Variants in DACH1 observed in about 807,000 individuals in gnomAD.
DACH1 encodes the protein dachshund family transcription factor 1.
A neutral mutation model predicts 54.2 loss-of-function variants in DACH1; 12 were observed. The observed-to-expected ratio is 0.22, with a 90% confidence interval of 0.14 to 0.36. The LOEUF (loss-of-function observed/expected upper bound fraction) is 0.36, where lower values mean the gene tolerates loss of function less well. DACH1 is among the 10% of genes least tolerant of loss of function. The pLI, the probability that DACH1 is intolerant of heterozygous loss-of-function variation, is 1.00. For synonymous variants in DACH1, 386 were observed against 366.2 expected (o/e 1.05, Z -0.62); for missense variants, 805 against 929.8 (o/e 0.87, Z 1.75).
intron 1 of DACH1, among the ~76,000 whole-genome samples, chr13:71,753,474 T>C (rs1233379356): frequency 6.6e-6 from 1 of 152,206 alleles, no homozygotes; most frequent in Non-Finnish European, 1.5e-5. Context: ...GAAGATGTAA[T>C]CACTTAAAGA....
At chr13:71,506,323 T>G (rs1880321617) in intron 6 of DACH1, among the ~76,000 whole-genome samples, 1 of 131,292 alleles carries the variant, frequency 7.6e-6, no homozygotes, top group Non-Finnish European at 1.6e-5. Context: ...AGTGTGATAT[T>G]CCCCTTCCTG....
rs1294203908 is a variant in DACH1, at chr13:71,735,531, CGTATATGGGATATACGT to C, written c.849-53638_849-53622del. On this transcript the variant is annotated intron_variant, in intron 1 of 10. Coordinates refer to ENST00000613252, the MANE Select transcript of DACH1 (RefSeq NM_080759.6). ...GATATACGTGTATATGGGATATACA[CGTATATGGGATATACGT>C]GTATATGGGATATACGTGTATATGG... is the stretch of plus-strand genomic sequence containing the variant. Among the ~76,000 whole-genome samples, 48 of 47,804 alleles carry C rather than the reference CGTATATGGGATATACGT, an allele frequency of 1.0e-3. 1 individual carries two copies. Among genetic ancestry groups the C allele is most frequent in the South Asian group, 3.7e-3 (7 of 1,912 alleles). 31.4% of individuals were successfully genotyped at this position (47,804 alleles called of 152,430 possible). A position where few individuals can be genotyped will look rare whatever the true frequency, so the allele number is the denominator to read the frequency against.
chr13:71,814,623 G>T (rs1237631311), intron 1 of DACH1, among the ~76,000 whole-genome samples: 1 of 152,136 alleles, frequency 6.6e-6, no homozygotes, highest in African/African-American at 2.4e-5. Flanking sequence ...ATATGATGAA[G>T]TATCCAGTTA....
intron 3 of DACH1, among the ~76,000 whole-genome samples, chr13:71,619,114 G>GTATA (rs974548009): frequency 2.7e-5 from 4 of 149,956 alleles, no homozygotes; most frequent in Admixed American, 6.7e-5. Flanking sequence ...ATATATGTGT[G>GTATA]TATATATATA....
At chr13:71,753,687 T>C (rs1885019068) in intron 1 of DACH1, among the ~76,000 whole-genome samples, 2 of 152,192 alleles carry the variant, frequency 1.3e-5, no homozygotes, top group Admixed American at 1.3e-4. Flanking sequence ...AAGAGCACTT[T>C]AGAACTTTCC....
At chr13:71,564,680 T>A (rs1884798330) in intron 4 of DACH1, among the ~76,000 whole-genome samples, 1 of 152,138 alleles carries the variant, frequency 6.6e-6, no homozygotes, top group Non-Finnish European at 1.5e-5. Context: ...TTAAACATTT[T>A]AAAAATTTCA....
intron 1 of DACH1, among the ~76,000 whole-genome samples, chr13:71,788,612 C>G (rs577513206): frequency 1.3e-4 from 19 of 151,952 alleles, no homozygotes; most frequent in African/African-American, 4.3e-4. Flanking sequence ...CTTCTTCTAC[C>G]GCTATATTAG....
intron 1 of DACH1, among the ~76,000 whole-genome samples, chr13:71,703,559 A>G (rs1173563575): frequency 6.6e-6 from 1 of 152,242 alleles, no homozygotes; most frequent in African/African-American, 2.4e-5. Context: ...AAGATGCGTC[A>G]TAAATAACAT....
Position 71,440,648 on chromosome 13 carries a change from G to A in DACH1, c.*7C>T, listed in dbSNP as rs367569521. The A allele has an allele frequency of 3.1e-6, 5 of 1,595,436 alleles. No homozygotes were observed. The South Asian group carries it at 4.6e-5, about 15-fold the overall frequency. ...TCTATAACATGGATTTCTTCAACAG[G>A]AAAGATTCAGTACATGACAGTAGTT... On this transcript the variant is annotated 3_prime_UTR_variant, in exon 11 of 11. Coordinates refer to ENST00000613252, the MANE Select transcript of DACH1 (RefSeq NM_080759.6).
At chr13:71,462,680 C>T (rs576086856) in intron 10 of DACH1, among the ~76,000 whole-genome samples, 78 of 151,984 alleles carry the variant, frequency 5.1e-4, no homozygotes, top group South Asian at 2.1e-3. Context: ...AACTTCTTTA[C>T]GTGTATTAAT....
At chr13:71,780,329 G>T (rs925864993) in intron 1 of DACH1, among the ~76,000 whole-genome samples, 6 of 151,982 alleles carry the variant, frequency 3.9e-5, no homozygotes, top group Non-Finnish European at 8.8e-5. Context: ...ATTTTTATGT[G>T]ATCAATCAAA....
intron 1 of DACH1, among the ~76,000 whole-genome samples, chr13:71,775,126 G>GTTTTTTT (rs1886009611): frequency 9.6e-5 from 6 of 62,650 alleles, no homozygotes; most frequent in African/African-American, 2.0e-4. Context: ...CTCAACACAA[G>GTTTTTTT]CTTTTTTTTT....
At chr13:71,625,162 A>T (rs953249556) in intron 3 of DACH1, among the ~76,000 whole-genome samples, 5 of 151,894 alleles carry the variant, frequency 3.3e-5, no homozygotes, top group Admixed American at 6.6e-5. Context: ...ACACTCTTAA[A>T]TTCCCTGTCA....
chr13:71,833,631 C>G (rs1157905194), intron 1 of DACH1, among the ~76,000 whole-genome samples: 3 of 151,830 alleles, frequency 2.0e-5, no homozygotes, highest in Admixed American at 2.0e-4. Context: ...GGTGACACAG[C>G]CTGGGTACTT....
At chr13:71,608,259 T>C (rs1374863071) in intron 3 of DACH1, among the ~76,000 whole-genome samples, 2 of 151,998 alleles carry the variant, frequency 1.3e-5, no homozygotes, top group African/African-American at 4.8e-5. Context: ...CCAGCATACA[T>C]ATAAACAAAT....
intron 2 of DACH1, among the ~76,000 whole-genome samples, chr13:71,661,714 T>C (rs1479146294): frequency 6.6e-6 from 1 of 152,034 alleles, no homozygotes; most frequent in African/African-American, 2.4e-5. Context: ...ATAATAACTA[T>C]AACATTATCC....
intron 10 of DACH1, among the ~76,000 whole-genome samples, chr13:71,454,269 C>T (rs1432541976): frequency 6.6e-6 from 1 of 152,108 alleles, no homozygotes; most frequent in African/African-American, 2.4e-5. Flanking sequence ...ATATCACACT[C>T]CTTGTTCTGA....
At chr13:71,526,936 A>C (rs1882010832) in intron 6 of DACH1, among the ~76,000 whole-genome samples, 1 of 151,696 alleles carries the variant, frequency 6.6e-6, no homozygotes, top group South Asian at 2.1e-4. Flanking sequence ...TCTTCGTTGG[A>C]AAGCTTAAAC....
intron 6 of DACH1, among the ~76,000 whole-genome samples, chr13:71,525,253 T>G (rs1386552281): frequency 6.6e-6 from 1 of 152,128 alleles, no homozygotes; most frequent in Admixed American, 6.6e-5. Context: ...CGTAAAATAT[T>G]AAACAATCCC....
Sources: gnomAD v4.1 joint callset for allele counts (sites outside exome capture counted in the v4.1 genomes callset) on GRCh38, gnomAD v4.1.1 for gene constraint, MANE v1.5 for transcripts, NCBI Gene and HGNC (gene_info 2026-07-23, HGNC 2026-07-21) for gene names.